The following ITPR2 variants were observed in gnomAD, a reference collection of about 807,000 sequenced individuals.
ITPR2 encodes the protein inositol 1,4,5-trisphosphate-gated calcium channel ITPR2.
In ITPR2, 207 loss-of-function variants were observed where a neutral mutation model predicts 317.1. The ratio of observed to expected loss-of-function variants is 0.65; its 90% CI spans 0.58 to 0.73. ITPR2 has a LOEUF of 0.73. ITPR2 is among the 30% of genes least tolerant of loss of function. ITPR2 has a pLI of 0.00. For missense variants in ITPR2, 2,613 were observed against 3,284.0 expected (o/e 0.80, Z 4.99); for synonymous variants, 1,156 against 1,149.1 (o/e 1.01, Z -0.12).
chr12:26,440,628 T>G (rs1270333592), intron 46 of ITPR2, among the ~76,000 whole-genome samples: 17 of 152,072 alleles, frequency 1.1e-4, no homozygotes, highest in Admixed American at 1.1e-3. Flanking sequence ...TACATGAAAT[T>G]TAGTAGGGTA....
intron 48 of ITPR2, among the ~76,000 whole-genome samples, chr12:26,434,970 C>T (rs142658715): frequency 6.6e-6 from 1 of 152,302 alleles, no homozygotes; most frequent in East Asian, 1.9e-4. Context: ...GGTGTATTTG[C>T]AGTTGCTCTA....
At chr12:26,399,773 G>A (rs548987147) in intron 53 of ITPR2, among the ~76,000 whole-genome samples, 2 of 152,324 alleles carry the variant, frequency 1.3e-5, no homozygotes, top group South Asian at 4.1e-4. Context: ...CTATGCAGAA[G>A]CAAAGAGTAA....
At chr12:26,424,628 C>T (rs1204056380) in intron 49 of ITPR2, among the ~76,000 whole-genome samples, 28 of 110,800 alleles carry the variant, frequency 2.5e-4, no homozygotes, top group Middle Eastern at 0.011. Flanking sequence ...CTCGCTCTGT[C>T]ACCCAGGCTG....
Position 26,711,163 on chromosome 12 carries a change from T to C in ITPR2, c.951+10A>G, listed in dbSNP as rs770614287. 3.8e-6 allele frequency: 6 copies of C among 1,587,926 alleles called. No homozygotes were observed. The highest frequency in any genetic ancestry group is 2.2e-5 in the South Asian group (2 of 90,578). ...CAGAAACTTAATACCACTTTATCCA[T>C]TAGTCTTACCTCTGCAGCTAAATAG... is the stretch of plus-strand genomic sequence containing the variant. On this transcript the variant is annotated intron_variant, in intron 9 of 56. Transcript: ENST00000381340.
At chr12:26,646,078 A>G (rs941888555) in intron 21 of ITPR2, among the ~76,000 whole-genome samples, 3 of 146,100 alleles carry the variant, frequency 2.1e-5, no homozygotes, top group African/African-American at 7.7e-5. Flanking sequence ...AATCATAGCT[A>G]TTAATCAGAA....
chr12:26,702,420 G>GTTTTTTTTTTCTTTTT (rs1565704173), intron 9 of ITPR2, among the ~76,000 whole-genome samples: 2 of 113,410 alleles, frequency 1.8e-5, no homozygotes, highest in Non-Finnish European at 3.6e-5. Flanking sequence ...GGGGGTTGGT[G>GTTTTTTTTTTCTTTTT]TTTTTTTTTT....
At position 26,487,821 on chromosome 12, in the gene ITPR2, C is replaced by T. The variant is rs80147973; in HGVS notation, c.5371-570G>A. ...AGCACATTTAATTTGGAAAGTGTTACCATGGTAGCCTCACTCATGGGATCT... is the reference window on the plus strand; with the variant it reads ...AGCACATTTAATTTGGAAAGTGTTATCATGGTAGCCTCACTCATGGGATCT... On this transcript the variant is annotated intron_variant, in intron 39 of 56. Transcript: ENST00000381340. 8.0e-3 allele frequency among the ~76,000 whole-genome samples: 1,224 copies of T among 152,264 alleles called. 6 individuals are homozygous for T. Among genetic ancestry groups the T allele is most frequent in the Non-Finnish European group, 0.013 (868 of 68,014 alleles).
chr12:26,568,006 T>TTATATATATATA (rs71069253), intron 34 of ITPR2, among the ~76,000 whole-genome samples: 1 of 7,506 alleles, frequency 1.3e-4, no homozygotes, highest in East Asian at 8.6e-4. Context: ...ATTATATATA[T>TTATATATATATA]TATATATATA....
rs193057881 is a variant in ITPR2 at position 26,657,533 on chromosome 12, T to C, written c.2192+174A>G. Among the ~76,000 whole-genome samples, 611 of 152,318 alleles carry C rather than the reference T, an allele frequency of 4.0e-3. 2 individuals carry two copies. The highest frequency in any genetic ancestry group is 6.4e-3 in the Non-Finnish European group (435 of 68,028). On this transcript the variant is annotated intron_variant, in intron 18 of 56. Transcript: ENST00000381340. ...AAGTGGTGTATGCAGAAAATATAAA[T>C]GTTAACTTTTATTTTGAATATTTTA... is the stretch of plus-strand genomic sequence containing the variant.
At chr12:26,358,582 C>T (rs920046578) in intron 55 of ITPR2, among the ~76,000 whole-genome samples, 1 of 152,108 alleles carries the variant, frequency 6.6e-6, no homozygotes, top group Non-Finnish European at 1.5e-5. Context: ...GTGGATTAAA[C>T]TACTTATTCT....
In ITPR2 at chr12:26,503,554, G is replaced by A. The variant is rs146992620; in HGVS notation, c.5074-8294C>T. On this transcript the variant is annotated intron_variant, in intron 37 of 56. Transcript: ENST00000381340. ...CCCGGCATTGGCAATGACAATGCAC[G>A]TTAGTGGACCTTAGTGGAAATGATG... Among the ~76,000 whole-genome samples the A allele has an allele frequency of 2.2e-3, 337 of 152,284 alleles. 1 individual carries two copies. The highest frequency in any genetic ancestry group is 0.017 in the Admixed American group (258 of 15,300).
At chr12:26,437,862 T>A (rs1941392558) in intron 47 of ITPR2, among the ~76,000 whole-genome samples, 1 of 152,110 alleles carries the variant, frequency 6.6e-6, no homozygotes, top group African/African-American at 2.4e-5. Flanking sequence ...AGTGCAGTGT[T>A]GCAACCTCGG....
chr12:26,716,301 G>A (rs922336590), intron 5 of ITPR2, 59 bp from the exon 6 acceptor site: 8 of 1,086,204 alleles, frequency 7.4e-6, no homozygotes, highest in South Asian at 3.9e-5. Context: ...TGCTATATTC[G>A]AAGCTAGAAA....
chr12:26,495,022 G>A (rs1397928472), intron 38 of ITPR2, 130 bp downstream of exon 38: 2 of 657,946 alleles, frequency 3.0e-6, no homozygotes, highest in Non-Finnish European at 5.4e-6. Context: ...CAAATTGTAT[G>A]AAAGTTTTTA....
intron 2 of ITPR2, among the ~76,000 whole-genome samples, chr12:26,772,451 T>TATATATATAATACATGTATTATATATA (rs1414107954): frequency 6.9e-4 from 41 of 59,646 alleles, no homozygotes; most frequent in Middle Eastern, 6.8e-3. Flanking sequence ...TTATATATAT[T>TATATATATAATACATGTATTATATATA]ATATATATAA....
At chr12:26,432,360 G>T (rs1941234247) in intron 48 of ITPR2, among the ~76,000 whole-genome samples, 1 of 152,066 alleles carries the variant, frequency 6.6e-6, no homozygotes, top group Non-Finnish European at 1.5e-5. Flanking sequence ...AATTTTATCA[G>T]TTAATTTATT....
At chr12:26,757,038 G>A (rs12313133) in intron 2 of ITPR2, among the ~76,000 whole-genome samples, 2,918 of 152,250 alleles carry the variant, frequency 0.019, 79 homozygotes, top group African/African-American at 0.061. Context: ...CACCAGTGCC[G>A]TGACAGTTTA....
chr12:26,444,291 G>C (rs1426801428), intron 45 of ITPR2, among the ~76,000 whole-genome samples: 1 of 152,124 alleles, frequency 6.6e-6, no homozygotes, highest in Non-Finnish European at 1.5e-5. Flanking sequence ...GTGTTGGCTA[G>C]TTCTCTCACT....
chr12:26,670,163 A>C (rs1947727949), intron 13 of ITPR2, among the ~76,000 whole-genome samples: 1 of 152,146 alleles, frequency 6.6e-6, no homozygotes, highest in South Asian at 2.1e-4. Context: ...TGCAGACTTA[A>C]ATGTCCCTGT....
Sources: gnomAD v4.1 joint callset for allele counts (sites outside exome capture counted in the v4.1 genomes callset) on GRCh38, gnomAD v4.1.1 for gene constraint, MANE v1.5 for transcripts, NCBI Gene and HGNC (gene_info 2026-07-23, HGNC 2026-07-21) for gene names.